Variants in MYBPC1 observed in about 807,000 individuals in gnomAD.
MYBPC1 encodes myosin-binding protein C, slow-type.
Under a neutral mutation model 147.1 loss-of-function variants are expected in MYBPC1, and 52 were observed. The ratio of observed to expected loss-of-function variants is 0.35; its 90% CI spans 0.28 to 0.45. The LOEUF is 0.45. Ranked by LOEUF, MYBPC1 falls within the 20% of genes least tolerant of loss-of-function variation. The pLI, the probability that MYBPC1 is intolerant of heterozygous loss-of-function variation, is 1.00. For missense variants in MYBPC1, 1,228 were observed against 1,440.3 expected, an observed-to-expected ratio of 0.85 and a Z score of 2.39; for synonymous variants, 477 against 475.9, an observed-to-expected ratio of 1.00 and a Z score of -0.03.
At chr12:101,666,993 A>G (rs1432669267) in intron 22 of MYBPC1, among the ~76,000 whole-genome samples, 1 of 151,928 alleles carries the variant, frequency 6.6e-6, no homozygotes, top group Non-Finnish European at 1.5e-5. Flanking sequence ...GTGGGATCAA[A>G]GTCTTCTTTC....
At chr12:101,694,792 T>C in the MYBPC1 span, among the ~76,000 whole-genome samples, 1 of 151,882 alleles carries the variant, frequency 6.6e-6, no homozygotes, top group South Asian at 2.1e-4. Context: ...GCTTGTGCAA[T>C]TCATTCATGT....
chr12:101,649,302 A>G lies in MYBPC1; in HGVS notation c.1239A>G (p.Arg413=), dbSNP rs1293249752. The G allele has an allele frequency of 1.9e-6, 3 of 1,613,804 alleles. No homozygotes were observed. The African/African-American group carries it at 4.0e-5, about 22-fold the overall frequency. ...GEEIIPGPKS[R]YRIRVEGKKH... is the part of the protein sequence containing the mutation. Reference sequence around the variant, plus strand: ...AGATTATCCCTGGTCCAAAATCAAGATACCGAATTAGAGTTGAGGGTAAAA... The same window carrying G: ...AGATTATCCCTGGTCCAAAATCAAGGTACCGAATTAGAGTTGAGGGTAAAA... Residue 413 remains arginine (R), a synonymous_variant, in exon 15 of 32, where the codon AGA becomes AGG. Transcript: ENST00000361466.
At chr12:101,609,572 T>C (rs573305280) in intron 1 of MYBPC1, among the ~76,000 whole-genome samples, 38 of 152,074 alleles carry the variant, frequency 2.5e-4, no homozygotes, top group Non-Finnish European at 4.9e-4. Context: ...AAATTCAGAA[T>C]CATGAACCCT....
rs757019618 is a variant in MYBPC1, at chr12:101,677,245, C to T, written c.2960C>T (p.Thr987Ile). Reference protein sequence around the residue: ...KADKKSMEWFTVIEHYHRTSA... With the variant: ...KADKKSMEWFIVIEHYHRTSA... ...TTTTTTTTCTTTTAGGAATGGTTTACTGTCATTGAGCATTATCATCGAACC... is the reference window on the plus strand; with the variant it reads ...TTTTTTTTCTTTTAGGAATGGTTTATTGTCATTGAGCATTATCATCGAACC... The change falls in exon 27 of 32, where the codon ACT (threonine) becomes ATT (isoleucine). Residue 987 changes from threonine to isoleucine, a missense_variant. Coordinates refer to ENST00000361466, the MANE Select transcript of MYBPC1 (RefSeq NM_002465.4). The T allele has an allele frequency of 1.9e-6, 3 of 1,612,788 alleles. No individual in the cohort carries two copies. The highest frequency in any genetic ancestry group is 3.3e-5 in the Admixed American group (2 of 59,946).
chr12:101,689,716 C>T (rs1951390723), downstream of MYBPC1, among the ~76,000 whole-genome samples: 1 of 152,094 alleles, frequency 6.6e-6, no homozygotes, highest in Admixed American at 6.5e-5. Flanking sequence ...ATTTGCTGCC[C>T]ACAAAACCTA....
intron 11 of MYBPC1, among the ~76,000 whole-genome samples, chr12:101,643,666 T>TA (rs1298123133): frequency 2.0e-5 from 3 of 152,132 alleles, no homozygotes; most frequent in Non-Finnish European, 2.9e-5. Context: ...TATTATCTTT[T>TA]AAAAAGCAGG....
intron 3 of MYBPC1, 123 bp downstream of exon 3, chr12:101,617,366 A>G (rs1407112054): frequency 2.0e-6 from 2 of 1,002,806 alleles, no homozygotes; most frequent in Non-Finnish European, 3.1e-6. Context: ...CTGCCTTTGC[A>G]TCTTATCTGC....
intron 30 of MYBPC1, among the ~76,000 whole-genome samples, chr12:101,684,019 A>G (rs1951195227): frequency 6.6e-6 from 1 of 152,098 alleles, no homozygotes; most frequent in Non-Finnish European, 1.5e-5. Flanking sequence ...TCTTTTGTTG[A>G]AAAACACGAT....
chr12:101,671,189 A>C (rs1392983180), intron 24 of MYBPC1, among the ~76,000 whole-genome samples: 4 of 152,072 alleles, frequency 2.6e-5, no homozygotes, highest in Non-Finnish European at 4.4e-5. Context: ...TGGAGAAATA[A>C]ATTTTTAATT....
Position 101,636,737 on chromosome 12 carries a change from A to C in MYBPC1, c.665+9A>C, listed in dbSNP as rs777942670. ...GGTCTCCTGAAACGTAGGTGAGAAC[A>C]AAGTGATGGAGTGAGACATTGTGGC... On this transcript the variant is annotated intron_variant, in intron 10 of 31. Coordinates refer to ENST00000361466, the MANE Select transcript of MYBPC1 (RefSeq NM_002465.4). The C allele has an allele frequency of 1.9e-5, 31 of 1,612,304 alleles. No homozygotes were observed. The African/African-American group carries it at 3.7e-4, about 19-fold the overall frequency.
the MYBPC1 span, among the ~76,000 whole-genome samples, chr12:101,692,931 A>G: frequency 2.0e-4 from 30 of 149,578 alleles, no homozygotes; most frequent in South Asian, 4.3e-4. Flanking sequence ...AATGGTTTCT[A>G]TATTTATTAC....
chr12:101,616,005 G>A (rs1885953416), intron 2 of MYBPC1, among the ~76,000 whole-genome samples: 1 of 150,850 alleles, frequency 6.6e-6, no homozygotes, highest in Non-Finnish European at 1.5e-5. Flanking sequence ...GGCGCAAGCA[G>A]AGATTGTTTT....
chr12:101,607,839 G>A (rs960196287), intron 1 of MYBPC1, among the ~76,000 whole-genome samples: 2 of 152,168 alleles, frequency 1.3e-5, no homozygotes, highest in African/African-American at 2.4e-5. Flanking sequence ...AAAAGAGACA[G>A]GTTAATTAAT....
intron 18 of MYBPC1, among the ~76,000 whole-genome samples, chr12:101,656,052 T>C (rs1387126653): frequency 7.9e-5 from 12 of 152,076 alleles, no homozygotes; most frequent in Non-Finnish European, 1.3e-4. Context: ...AGAAAGGAAT[T>C]AGGGACATTT....
intron 8 of MYBPC1, among the ~76,000 whole-genome samples, chr12:101,633,502 C>T (rs1364007644): frequency 6.6e-6 from 1 of 152,042 alleles, no homozygotes; most frequent in Non-Finnish European, 1.5e-5. Context: ...GCCTGGCCAA[C>T]ATGGTGAAAC....
chr12:101,663,632 C>T, intron 22 of MYBPC1, 72 bp downstream of exon 22: 1 of 1,527,736 alleles, frequency 6.5e-7, no homozygotes. Flanking sequence ...TTTCTTTTGT[C>T]TCTCTTTCTT....
At chr12:101,641,290 C>G (rs996127115) in intron 10 of MYBPC1, among the ~76,000 whole-genome samples, 2 of 152,074 alleles carry the variant, frequency 1.3e-5, no homozygotes, top group African/African-American at 4.8e-5. Context: ...TTACGGTAAG[C>G]AGTCGTTGTA....
At chr12:101,604,435 C>A (rs1156309616) in intron 1 of MYBPC1, among the ~76,000 whole-genome samples, 2 of 152,158 alleles carry the variant, frequency 1.3e-5, no homozygotes, top group Non-Finnish European at 2.9e-5. Flanking sequence ...TGGCAACATT[C>A]GACCATAGTA....
chr12:101,678,407 G>A (rs1019422101), intron 28 of MYBPC1, among the ~76,000 whole-genome samples, 169 bp downstream of exon 28: 14 of 152,228 alleles, frequency 9.2e-5, no homozygotes, highest in African/African-American at 3.4e-4. Context: ...AGATGTAGTA[G>A]TAAAAAATGC....
Sources: gnomAD v4.1 joint callset for allele counts (sites outside exome capture counted in the v4.1 genomes callset) on GRCh38, gnomAD v4.1.1 for gene constraint, MANE v1.5 for transcripts, NCBI Gene and HGNC (gene_info 2026-07-23, HGNC 2026-07-21) for gene names.